Variants in RBM19 observed in about 807,000 individuals in gnomAD.
The protein encoded by RBM19 is probable RNA-binding protein 19.
In RBM19, 94 loss-of-function variants were observed where a neutral mutation model predicts 116.8. The ratio of observed to expected loss-of-function variants is 0.80; its 90% CI spans 0.68 to 0.95. RBM19 has a LOEUF of 0.95. Among genes scored for constraint, RBM19 ranks in the 40% least tolerant of loss-of-function variants. The pLI is 0.00. For synonymous variants in RBM19, 475 were observed against 494.1 expected (o/e 0.96, Z 0.51); for missense variants, 1,161 against 1,220.7 (o/e 0.95, Z 0.73).
In RBM19 at chr12:113,914,991, G is replaced by A. The variant is rs774481535; in HGVS notation, c.2536C>T (p.Arg846Trp). 37 of 1,614,078 alleles carry A rather than the reference G, an allele frequency of 2.3e-5. No homozygotes were observed. In the East Asian group the frequency reaches 3.8e-4, roughly 17 times the overall value. Residue 846 changes from arginine to tryptophan, a missense_variant, in exon 21 of 24, where the codon CGG becomes TGG. Transcript: ENST00000261741. The stretch of plus-strand genomic sequence containing the variant: ...CACCTGAAGAGCTCTCGGATCTCCC[G>A]GCTGTGGGCCTGGAAGGGGATGTTC... The part of the protein sequence containing the change: ...VRNIPFQAHS[R>W]EIRELFSTFG...
At chr12:113,912,436 C>T (rs1342195534) in intron 21 of RBM19, among the ~76,000 whole-genome samples, 1 of 152,164 alleles carries the variant, frequency 6.6e-6, no homozygotes, top group African/African-American at 2.4e-5. Context: ...CCTTCTAGAC[C>T]CAAGAAAACA....
At chr12:113,947,514 C>T (rs759445640) in intron 10 of RBM19, 50 bp from the exon 11 acceptor site, 1 of 1,546,594 alleles carries the variant, frequency 6.5e-7, no homozygotes, top group Non-Finnish European at 8.8e-7. Flanking sequence ...CCACTTGGCC[C>T]CAGGGAAGAA....
In RBM19 at chr12:113,927,206, C is replaced by T; in HGVS notation, c.2092G>A (p.Asp698Asn). The change falls in exon 17 of 24, where the codon GAT (aspartate) becomes AAT (asparagine). Residue 698 changes from aspartate to asparagine, a missense_variant. Physicochemically the swap from Asp to Asn is conservative, Grantham distance 23. Coordinates refer to ENST00000261741, the MANE Select transcript of RBM19 (RefSeq NM_016196.4). The part of the protein sequence containing the change: ...ETVPDGETPE[D>N]ENPTEEGADN... ...GCTCCTTCCTCTGTTGGATTTTCATCTTCTGGGGTTTCGCCATCAGGCACT... is the reference window on the plus strand; with the variant it reads ...GCTCCTTCCTCTGTTGGATTTTCATTTTCTGGGGTTTCGCCATCAGGCACT... The T allele has an allele frequency of 6.4e-7, 1 of 1,568,068 alleles. No individual in the cohort carries two copies. The highest frequency in any genetic ancestry group is 1.4e-5 in the African/African-American group (1 of 73,832).
At chr12:113,905,082 A>G (rs1335708855) in intron 21 of RBM19, among the ~76,000 whole-genome samples, 1 of 152,218 alleles carries the variant, frequency 6.6e-6, no homozygotes, top group African/African-American at 2.4e-5. Flanking sequence ...AGTCCCCCTG[A>G]GAGACTTTTC....
At chr12:113,842,068 CT>C (rs1191346854) in intron 23 of RBM19, among the ~76,000 whole-genome samples, 2 of 152,214 alleles carry the variant, frequency 1.3e-5, no homozygotes, top group African/African-American at 4.8e-5. Context: ...AAATGAAGAA[CT>C]GTCTTTGTTA....
At chr12:113,819,361 G>T (rs184741882), downstream of RBM19, among the ~76,000 whole-genome samples, 1 of 152,192 alleles carries the variant, frequency 6.6e-6, no homozygotes, top group East Asian at 1.9e-4. Flanking sequence ...CCTTTCCTAC[G>T]CAAGTGCTCT....
chr12:113,832,074 A>T (rs1441801620), intron 23 of RBM19, among the ~76,000 whole-genome samples: 2 of 152,216 alleles, frequency 1.3e-5, no homozygotes, highest in Non-Finnish European at 2.9e-5. Context: ...CAGGGGTGTG[A>T]GAAAGAGTGG....
intron 22 of RBM19, among the ~76,000 whole-genome samples, chr12:113,849,477 G>A (rs1877276328): frequency 6.6e-6 from 1 of 152,224 alleles, no homozygotes; most frequent in African/African-American, 2.4e-5. Flanking sequence ...AAACGCAACG[G>A]GGATAGGAGT....
intron 21 of RBM19, among the ~76,000 whole-genome samples, chr12:113,897,963 GC>G (rs1332399235): frequency 6.6e-6 from 1 of 152,204 alleles, no homozygotes; most frequent in African/African-American, 2.4e-5. Context: ...AACCTTGGTG[GC>G]CAAGTAGCAA....
rs548513213 is a variant in RBM19, at chr12:113,844,570, G to A, written c.2785+98C>T. On this transcript the variant is annotated intron_variant, in intron 23 of 23. Transcript: ENST00000261741. ...GTGCTTGGCAGCCCTTGTGCCCATAGCCTGCTGGGTCGAGGGCAGTTCTCT... is the reference window on the plus strand; with the variant it reads ...GTGCTTGGCAGCCCTTGTGCCCATAACCTGCTGGGTCGAGGGCAGTTCTCT... 46 of 1,450,802 alleles carry A rather than the reference G, an allele frequency of 3.2e-5. No individual in the cohort carries two copies. The African/African-American group carries it at 6.3e-4, about 20-fold the overall frequency. The allele number at this position is 1,450,802 out of a possible 1,614,324, so 89.9% of individuals were successfully genotyped here.
chr12:113,866,808 A>G (rs1878842824), intron 21 of RBM19, among the ~76,000 whole-genome samples: 1 of 152,240 alleles, frequency 6.6e-6, no homozygotes, highest in Non-Finnish European at 1.5e-5. Context: ...ATCTGGGCCC[A>G]GGACTAGCAG....
At chr12:113,820,365 C>A (rs937658041), downstream of RBM19, among the ~76,000 whole-genome samples, 1 of 151,732 alleles carries the variant, frequency 6.6e-6, no homozygotes, top group African/African-American at 2.4e-5. Context: ...AATAAAAAGG[C>A]GCCACGCAGG....
chr12:113,947,461 G>T lies in RBM19; in HGVS notation c.1280C>A (p.Pro427His), dbSNP rs759110663. 10 of 1,595,932 alleles carry T rather than the reference G, an allele frequency of 6.3e-6. No homozygotes were observed. In the Admixed American group the frequency reaches 1.7e-4, roughly 27 times the overall value. Residue 427 changes from proline to histidine, a missense_variant, in exon 11 of 24, where the codon CCC (proline) becomes CAC (histidine). Physicochemically the swap from Pro to His is moderately conservative, Grantham distance 77. Transcript: ENST00000261741. Reference protein sequence around the residue: ...DLEKLFSKYGPLSELHYPIDS... With the variant: ...DLEKLFSKYGHLSELHYPIDS... ...GATGGGGTAGTGGAGCTCAGACAGG[G>T]GACCTGAGGACAGGAGAAGTGTCGG...
In RBM19 at chr12:113,825,643, C is replaced by A. The variant is rs1295911573; in HGVS notation, c.2786-2322G>T. ...GGCCTGGGGTCTAAGGGATGGCCAG[C>A]GGTGGCGGCATGGGACTTTTTCTTC... On this transcript the variant is annotated intron_variant, in intron 23 of 23. Coordinates refer to ENST00000261741, the MANE Select transcript of RBM19 (RefSeq NM_016196.4). This position sits in a 1 kb window ranked among gnomAD's most constrained non-coding sequence, Gnocchi z 5.7. Among the ~76,000 whole-genome samples the A allele has an allele frequency of 1.3e-5, 2 of 152,134 alleles. No individual in the cohort carries two copies. The highest frequency in any genetic ancestry group is 2.9e-5 in the Non-Finnish European group (2 of 68,008).
At chr12:113,899,138 T>C (rs182931733) in intron 21 of RBM19, among the ~76,000 whole-genome samples, 8 of 152,366 alleles carry the variant, frequency 5.3e-5, no homozygotes, top group Admixed American at 4.6e-4. Context: ...AATGTTACTT[T>C]AGGAATGAAA....
chr12:113,939,859 AT>A (rs1870402339), intron 15 of RBM19, 100 bp downstream of exon 15: 1 of 1,299,810 alleles, frequency 7.7e-7, no homozygotes, highest in Admixed American at 1.9e-5. Flanking sequence ...GTGAGCTCCC[AT>A]GTGCCACATC....
intron 10 of RBM19, among the ~76,000 whole-genome samples, chr12:113,948,400 G>A (rs1192878692): frequency 6.6e-6 from 1 of 152,190 alleles, no homozygotes; most frequent in Non-Finnish European, 1.5e-5. Context: ...GCTCAGCTTG[G>A]ATAAGAAGAC....
intron 18 of RBM19, 126 bp from the exon 19 acceptor site, chr12:113,920,816 C>T (rs1868479003): frequency 1.2e-6 from 1 of 833,750 alleles, no homozygotes; most frequent in Non-Finnish European, 1.9e-6. Context: ...CTTCATTCCC[C>T]CCAAAAATCT....
At position 113,903,582 on chromosome 12, in the gene RBM19, G is replaced by GC. The variant is rs375011231; in HGVS notation, c.2558+11386dup. ...GCTGTACCATTTTTGGCTCCCATGA[G>GC]CAATGCATAAACAATCCAGTTTCTC... is the stretch of plus-strand genomic sequence containing the variant. On this transcript the variant is annotated intron_variant, in intron 21 of 23. Transcript: ENST00000261741. The surrounding 1 kb of genome is among the most constrained non-coding windows in gnomAD (Gnocchi z 5.1). 1.6e-4 allele frequency among the ~76,000 whole-genome samples: 25 copies of GC among 152,308 alleles called. No homozygotes were observed. The highest frequency in any genetic ancestry group is 6.0e-4 in the African/African-American group (25 of 41,568).
Sources: allele counts gnomAD v4.1 joint callset (sites outside exome capture counted in the v4.1 genomes callset), GRCh38; gene constraint gnomAD v4.1.1; non-coding constraint Gnocchi (gnomAD v3.1); transcripts MANE v1.5; gene names NCBI Gene and HGNC (gene_info 2026-07-23, HGNC 2026-07-21).